The following ULK4 variants were observed in gnomAD, a reference collection of about 807,000 sequenced individuals.
The protein encoded by ULK4 is unc-51 like kinase 4.
In ULK4, 133 loss-of-function variants were observed where a neutral mutation model predicts 160.6. The observed-to-expected ratio is 0.83, with a 90% CI of 0.72 to 0.96. ULK4 has a LOEUF of 0.96. Ranked by LOEUF, ULK4 falls within the 40% of genes least tolerant of loss-of-function variation. ULK4 has a pLI of 0.00. For missense variants in ULK4, 1,580 were observed against 1,499.5 expected (o/e 1.05, Z -0.89); for synonymous variants, 534 against 539.8 (o/e 0.99, Z 0.15).
chr3:41,811,217 G>A (rs1338673117), intron 19 of ULK4, among the ~76,000 whole-genome samples: 2 of 151,764 alleles, frequency 1.3e-5, no homozygotes, highest in Admixed American at 6.6e-5. Context: ...TATTATTAGA[G>A]ATGGAGTCTC....
intron 35 of ULK4, among the ~76,000 whole-genome samples, chr3:41,323,261 G>T (rs2080279227): frequency 6.6e-6 from 1 of 151,816 alleles, no homozygotes; most frequent in Admixed American, 6.6e-5. Flanking sequence ...CTTCCATGTT[G>T]CCATACACAC....
At chr3:41,547,982 C>T (rs1239415152) in intron 32 of ULK4, among the ~76,000 whole-genome samples, 1 of 152,116 alleles carries the variant, frequency 6.6e-6, no homozygotes, top group African/African-American at 2.4e-5. Context: ...CAACCCTGTA[C>T]TCACCCCTAC....
intron 19 of ULK4, 142 bp downstream of exon 19, chr3:41,819,281 G>A: frequency 1.5e-6 from 1 of 658,102 alleles, no homozygotes; most frequent in Non-Finnish European, 2.4e-6. Context: ...ACTTGCTCAT[G>A]GTAGGTTGTC....
intron 17 of ULK4, among the ~76,000 whole-genome samples, chr3:41,857,254 C>G (rs1214029120): frequency 6.6e-6 from 1 of 152,190 alleles, no homozygotes; most frequent in Admixed American, 6.6e-5. Flanking sequence ...GATGACACTT[C>G]ATATCTCCTC....
At chr3:41,600,566 G>A (rs1167181542) in intron 31 of ULK4, among the ~76,000 whole-genome samples, 3 of 152,202 alleles carry the variant, frequency 2.0e-5, no homozygotes, top group Non-Finnish European at 4.4e-5. Context: ...ACTGCAGCTT[G>A]TGAACAACAC....
In ULK4 at chr3:41,816,053, C is replaced by T. The variant is rs116603144; in HGVS notation, c.1848+3370G>A. On this transcript the variant is annotated intron_variant, in intron 19 of 36. Coordinates refer to ENST00000301831, the MANE Select transcript of ULK4 (RefSeq NM_017886.4). ...ATTGCTTGAGCCCAGGAGTTCAAGA[C>T]CAGCCTGGGCAACATAGCAAGATTG... 5.1e-3 allele frequency among the ~76,000 whole-genome samples: 768 copies of T among 152,028 alleles called. 1 individual carries two copies. The highest frequency in any genetic ancestry group is 9.0e-3 in the Non-Finnish European group (615 of 67,960).
At chr3:41,293,086 C>T (rs2079602888) in intron 35 of ULK4, among the ~76,000 whole-genome samples, 1 of 152,122 alleles carries the variant, frequency 6.6e-6, no homozygotes, top group Non-Finnish European at 1.5e-5. Flanking sequence ...CATGTCACTG[C>T]ACTCCAGACA....
intron 11 of ULK4, 31 bp downstream of exon 11, chr3:41,911,286 G>A (rs761522659): frequency 1.5e-5 from 24 of 1,605,156 alleles, no homozygotes; most frequent in Non-Finnish European, 1.8e-5. Flanking sequence ...CTTTTGTCTT[G>A]CACTGATCCC....
chr3:41,633,431 C>T (rs545359551), intron 30 of ULK4, among the ~76,000 whole-genome samples: 3 of 152,188 alleles, frequency 2.0e-5, no homozygotes, highest in African/African-American at 7.2e-5. Flanking sequence ...GATATAATGG[C>T]AGAGTTAAGT....
At chr3:41,346,644 A>T (rs1277372002) in intron 35 of ULK4, among the ~76,000 whole-genome samples, 1 of 152,142 alleles carries the variant, frequency 6.6e-6, no homozygotes, top group Non-Finnish European at 1.5e-5. Context: ...AATATTTTCA[A>T]GTTTTTGGTT....
At chr3:41,804,272 C>T (rs1258972035) in intron 19 of ULK4, among the ~76,000 whole-genome samples, 6 of 152,142 alleles carry the variant, frequency 3.9e-5, no homozygotes, top group Admixed American at 3.3e-4. Context: ...TTTTTGCCTG[C>T]ATAAATGTCT....
Position 41,897,015 on chromosome 3 carries a change from A to G in ULK4, c.1349-12T>C, listed in dbSNP as rs760328394. 2.5e-6 allele frequency: 4 copies of G among 1,593,558 alleles called. No homozygotes were observed. The highest frequency in any genetic ancestry group is 1.1e-5 in the South Asian group (1 of 90,302). ...TAATAACTTATCCACTGCGATGGAA[A>G]GAAAATAATAAAAGTACATATGATG... is the stretch of plus-strand genomic sequence containing the variant. On this transcript the variant is annotated splice_polypyrimidine_tract_variant and intron_variant, in intron 14 of 36. Transcript: ENST00000301831.
intron 29 of ULK4, among the ~76,000 whole-genome samples, chr3:41,665,920 T>C (rs2035336776): frequency 6.6e-6 from 1 of 152,188 alleles, no homozygotes; most frequent in Admixed American, 6.5e-5. Flanking sequence ...CTCAGAAAAC[T>C]TGTTATACTC....
chr3:41,866,966 T>C (rs1696910426), intron 17 of ULK4, among the ~76,000 whole-genome samples: 1 of 152,180 alleles, frequency 6.6e-6, no homozygotes, highest in African/African-American at 2.4e-5. Flanking sequence ...ACGTTAGTAA[T>C]TTGTATTTTC....
chr3:41,644,716 T>A (rs1181822977), intron 30 of ULK4, among the ~76,000 whole-genome samples: 2 of 150,642 alleles, frequency 1.3e-5, no homozygotes, highest in Non-Finnish European at 3.0e-5. Flanking sequence ...ATAAAATGAG[T>A]TAGGGAGGAT....
At chr3:41,430,584 G>T (rs1323392354) in intron 34 of ULK4, among the ~76,000 whole-genome samples, 1 of 152,106 alleles carries the variant, frequency 6.6e-6, no homozygotes, top group African/African-American at 2.4e-5. Context: ...ATACCCCCGG[G>T]TACATTACTT....
intron 5 of ULK4, among the ~76,000 whole-genome samples, chr3:41,920,514 A>T (rs1362156875): frequency 1.3e-5 from 2 of 152,194 alleles, no homozygotes; most frequent in African/African-American, 4.8e-5. Context: ...CACTGACAAG[A>T]GAAATGGAAG....
At chr3:41,343,505 T>C (rs1229048755) in intron 35 of ULK4, among the ~76,000 whole-genome samples, 1 of 151,794 alleles carries the variant, frequency 6.6e-6, no homozygotes, top group Non-Finnish European at 1.5e-5. Flanking sequence ...GGTTTCACCA[T>C]GTTGGCCAGG....
chr3:41,592,876 C>G (rs1413562322), intron 31 of ULK4, among the ~76,000 whole-genome samples: 1 of 152,106 alleles, frequency 6.6e-6, no homozygotes, highest in East Asian at 1.9e-4. Context: ...TGTGAAATAT[C>G]TGTGTGTGTT....
Sources: gnomAD v4.1 joint callset for allele counts (sites outside exome capture counted in the v4.1 genomes callset) on GRCh38, gnomAD v4.1.1 for gene constraint, MANE v1.5 for transcripts, NCBI Gene and HGNC (gene_info 2026-07-23, HGNC 2026-07-21) for gene names.